The following VWA7 variants were observed in gnomAD, a reference collection of about 807,000 sequenced individuals.
VWA7 encodes the protein von Willebrand factor A domain-containing protein 7.
VWA7 carries 66 observed loss-of-function variants against 83.1 expected under a neutral mutation model. The ratio of observed to expected loss-of-function variants is 0.79; its 90% CI spans 0.65 to 0.98. The LOEUF is 0.98. Ranked by LOEUF, VWA7 falls within the 50% of genes least tolerant of loss-of-function variation. VWA7 has a pLI of 0.00. For missense variants in VWA7, 1,080 were observed against 1,160.2 expected (o/e 0.93, Z 1.00); for synonymous variants, 424 against 488.5 (o/e 0.87, Z 1.74).
At position 31,775,445 on chromosome 6, in the gene VWA7, G is replaced by A; in HGVS notation, c.514-16C>T. ...TGTAGAAATCCTGGTCCGGAGGACA[G>A]GAGAAGGGGAGTGAGGCACTAGTCT... On this transcript the variant is annotated splice_polypyrimidine_tract_variant and intron_variant, in intron 3 of 16. Transcript: ENST00000375688. The surrounding 1 kb of genome is among the most constrained non-coding windows in gnomAD (Gnocchi z 5.9). 1 of 1,607,610 alleles carries A rather than the reference G, an allele frequency of 6.2e-7. No individual in the cohort carries two copies. Among genetic ancestry groups the A allele is most frequent in the Non-Finnish European group, 8.5e-7 (1 of 1,176,892 alleles).
rs1230644079 is a variant in VWA7 at position 31,769,959 on chromosome 6, G to C, written c.1200+42C>G. On this transcript the variant is annotated intron_variant, in intron 8 of 16. Coordinates refer to ENST00000375688, the MANE Select transcript of VWA7 (RefSeq NM_025258.3). This position sits in a 1 kb window ranked among gnomAD's most constrained non-coding sequence, Gnocchi z 4.5. ...CCCCAGGAGGGATCTAGCTCCCCCT[G>C]GTGGTGGGGCCAGGAAACGGGGAAG... The C allele has an allele frequency of 6.3e-7, 1 of 1,593,046 alleles. No homozygotes were observed. Among genetic ancestry groups the C allele is most frequent in the Non-Finnish European group, 8.6e-7 (1 of 1,162,584 alleles).
At chr6:31,772,188 C>T (rs554302771) in intron 7 of VWA7, among the ~76,000 whole-genome samples, 2 of 151,638 alleles carry the variant, frequency 1.3e-5, no homozygotes, top group Admixed American at 6.6e-5. Flanking sequence ...TCACCCAGGC[C>T]GCTCTGGAGT....
chr6:31,769,746 T>C lies in VWA7; in HGVS notation c.1246A>G (p.Thr416Ala), dbSNP rs1310768583. ...AAGGCATCCTTGGGGGAGGCATCCG[T>C]GAAGACAAAGATATCTGAGAGTGGA... ...TPPLSDIFVF[T>A]DASPKDAFLT... is the part of the protein sequence containing the mutation. The change falls in exon 9 of 17, where the codon ACG becomes GCG. Residue 416 changes from threonine to alanine, a missense_variant. Thr to Ala is a moderately conservative substitution (Grantham distance 58). Transcript: ENST00000375688. The surrounding 1 kb of genome is among the most constrained non-coding windows in gnomAD (Gnocchi z 4.5). 2 of 1,612,914 alleles carry C rather than the reference T, an allele frequency of 1.2e-6. No homozygotes were observed. Among genetic ancestry groups the C allele is most frequent in the African/African-American group, 1.3e-5 (1 of 74,894 alleles).
Position 31,776,488 on chromosome 6 carries a change from G to T in VWA7, c.234+58C>A. Reference sequence around the variant, plus strand: ...TGGCAACCAGAGCCCTCAAGGAGTAGAGGCCCCATGGAATTGGGGACTCTG... The same window carrying T: ...TGGCAACCAGAGCCCTCAAGGAGTATAGGCCCCATGGAATTGGGGACTCTG... On this transcript the variant is annotated intron_variant, in intron 2 of 16. Coordinates refer to ENST00000375688, the MANE Select transcript of VWA7 (RefSeq NM_025258.3). This position sits in a 1 kb window ranked among gnomAD's most constrained non-coding sequence, Gnocchi z 6.2. 7.0e-7 allele frequency: 1 copy of T among 1,430,646 alleles called. No individual in the cohort carries two copies. 88.6% of individuals were successfully genotyped at this position (1,430,646 alleles called of 1,614,324 possible). A position where few individuals can be genotyped will look rare whatever the true frequency, so the allele number is the denominator to read the frequency against.
At chr6:31,768,139 C>CAAAAAAAAAAAAAAAAAA (rs9279412) in intron 10 of VWA7, among the ~76,000 whole-genome samples, 2 of 77,094 alleles carry the variant, frequency 2.6e-5, no homozygotes, top group Non-Finnish European at 2.4e-5. Context: ...GACTCTGTCT[C>CAAAAAAAAAAAAAAAAAA]AAAAAAAAAA....
At position 31,767,531 on chromosome 6, in the gene VWA7, G is replaced by T; in HGVS notation, c.1637-17C>A. ...GGGAGACCCCTGGGGTCAGGGAAGA[G>T]ATTGTCACATGAAGCACTTGCTCTC... On this transcript the variant is annotated splice_polypyrimidine_tract_variant and intron_variant, in intron 11 of 16. Coordinates refer to ENST00000375688, the MANE Select transcript of VWA7 (RefSeq NM_025258.3). The T allele has an allele frequency of 6.2e-7, 1 of 1,603,496 alleles. No individual in the cohort carries two copies. Among genetic ancestry groups the T allele is most frequent in the South Asian group, 1.1e-5 (1 of 90,904 alleles).
intron 7 of VWA7, 74 bp from the exon 8 acceptor site, chr6:31,770,187 G>T: frequency 8.2e-7 from 1 of 1,212,360 alleles, no homozygotes; most frequent in East Asian, 2.4e-5. Context: ...CACCTCCCCA[G>T]TTGAGGGGCC....
Position 31,770,081 on chromosome 6 carries a change from C to G in VWA7, c.1120G>C (p.Asp374His), listed in dbSNP as rs1456911146. ...TCATTAAGCTGTTGCCAGAAGCTGT[C>G]AGGGTCACTGGTTGTAAAGACAGGG... ...FGPVFTTSDP[D>H]SFWQQLNEIH... Residue 374 changes from aspartate to histidine, a missense_variant, in exon 8 of 17, where the codon GAC becomes CAC. Asp to His is a moderately conservative substitution (Grantham distance 81, BLOSUM62 -1). Transcript: ENST00000375688. 1 of 1,612,900 alleles carries G rather than the reference C, an allele frequency of 6.2e-7. No homozygotes were observed. Among genetic ancestry groups the G allele is most frequent in the Non-Finnish European group, 8.5e-7 (1 of 1,180,008 alleles).
Position 31,769,224 on chromosome 6 carries a change from A to C in VWA7, c.1318-21T>G. 1.2e-6 allele frequency: 2 copies of C among 1,604,128 alleles called. No homozygotes were observed. Among genetic ancestry groups the C allele is most frequent in the Non-Finnish European group, 1.7e-6 (2 of 1,174,778 alleles). ...GTTACCTGTACCCAGAAGAGAGCTC[A>C]GTGATTGGGGTGTCCAAGTGCCATC... On this transcript the variant is annotated intron_variant, in intron 9 of 16. Transcript: ENST00000375688. This position sits in a 1 kb window ranked among gnomAD's most constrained non-coding sequence, Gnocchi z 4.5.
In VWA7 at chr6:31,776,435, G is replaced by C. The variant is rs542582286; in HGVS notation, c.234+111C>G. 3.2e-6 allele frequency: 4 copies of C among 1,231,900 alleles called. No homozygotes were observed. In the African/African-American group the frequency reaches 4.6e-5, roughly 14 times the overall value. 76.3% of individuals were successfully genotyped at this position (1,231,900 alleles called of 1,614,324 possible). Reference sequence around the variant, plus strand: ...AAGACTACTGGGTATTATTGCTGCAGGGGTGGGGCCATGGGTGTCTCTTCT... The same window carrying C: ...AAGACTACTGGGTATTATTGCTGCACGGGTGGGGCCATGGGTGTCTCTTCT... On this transcript the variant is annotated intron_variant, in intron 2 of 16. Coordinates refer to ENST00000375688, the MANE Select transcript of VWA7 (RefSeq NM_025258.3). This position sits in a 1 kb window ranked among gnomAD's most constrained non-coding sequence, Gnocchi z 6.2.
Position 31,765,692 on chromosome 6 carries a change from C to T in VWA7, c.2578G>A (p.Val860Met), listed in dbSNP as rs1811453183. The change falls in exon 17 of 17, where the codon GTG becomes ATG. Residue 860 changes from valine to methionine, a missense_variant. Coordinates refer to ENST00000375688, the MANE Select transcript of VWA7 (RefSeq NM_025258.3). ...ATPAFSPFTLVTQGRAGAGLA... is the reference protein window; with the variant it reads ...ATPAFSPFTLMTQGRAGAGLA... ...CCTGCCCCAGCCCTGCCTTGAGTCA[C>T]CAATGTGAAGGGGGAAAAGGCAGGG... The T allele has an allele frequency of 8.1e-6, 13 of 1,600,316 alleles. No individual in the cohort carries two copies. The highest frequency in any genetic ancestry group is 3.5e-5 in the Admixed American group (2 of 57,762).
rs771334614 is a variant in VWA7 at position 31,769,137 on chromosome 6, G to A, written c.1384C>T (p.Pro462Ser). The A allele has an allele frequency of 6.2e-7, 1 of 1,613,072 alleles. No individual in the cohort carries two copies. Among genetic ancestry groups the A allele is most frequent in the Non-Finnish European group, 8.5e-7 (1 of 1,180,034 alleles). Residue 462 changes from proline (P) to serine (S), a missense_variant, in exon 10 of 17, where the codon CCT becomes TCT. Transcript: ENST00000375688. This position sits in a 1 kb window ranked among gnomAD's most constrained non-coding sequence, Gnocchi z 4.5. ...GCTTTGTATGGCTCAAAACGCAGAGGGGACAAGATCTCACGCCGAGCTCGA... is the reference window on the plus strand; with the variant it reads ...GCTTTGTATGGCTCAAAACGCAGAGAGGACAAGATCTCACGCCGAGCTCGA... ...QGRARREILS[P>S]LRFEPYKAVA...
rs1001452570 is a variant in VWA7 at position 31,775,863 on chromosome 6, G to C, written c.513+101C>G. On this transcript the variant is annotated intron_variant, in intron 3 of 16. Coordinates refer to ENST00000375688, the MANE Select transcript of VWA7 (RefSeq NM_025258.3). The surrounding 1 kb of genome is among the most constrained non-coding windows in gnomAD (Gnocchi z 5.9). ...CGTGCCAGTGCCCACCCCTTCCAGA[G>C]TGGAGGAGACATGATCAAGAAGGCA... 1.3e-6 allele frequency: 2 copies of C among 1,498,454 alleles called. No individual in the cohort carries two copies. Among genetic ancestry groups the C allele is most frequent in the African/African-American group, 1.4e-5 (1 of 71,604 alleles). 92.8% of individuals were successfully genotyped at this position (1,498,454 alleles called of 1,614,324 possible).
At chr6:31,768,499 G>A (rs1339274161) in intron 10 of VWA7, among the ~76,000 whole-genome samples, 1 of 151,904 alleles carries the variant, frequency 6.6e-6, no homozygotes, top group Non-Finnish European at 1.5e-5. Flanking sequence ...GGTAACCCTG[G>A]AGGCAGAATA....
chr6:31,773,070 C>A lies in VWA7; in HGVS notation c.971G>T (p.Gly324Val), dbSNP rs755473165. 2.5e-6 allele frequency: 4 copies of A among 1,612,314 alleles called. No individual in the cohort carries two copies. In the South Asian group the frequency reaches 4.4e-5, roughly 18 times the overall value. Residue 324 changes from glycine (G) to valine (V), a missense_variant, in exon 7 of 17, where the codon GGC (glycine) becomes GTC (valine). Physicochemically the swap from Gly to Val is moderately radical, Grantham distance 109. Transcript: ENST00000375688. The surrounding 1 kb of genome is among the most constrained non-coding windows in gnomAD (Gnocchi z 5.3). ...SSLSFVLDTT[G>V]SMGEEINAAK... ...AGCGTTGATCTCCTCACCCATGCTGCCCGTGGTGTCCAGGACAAAGCTCAG... is the reference window on the plus strand; with the variant it reads ...AGCGTTGATCTCCTCACCCATGCTGACCGTGGTGTCCAGGACAAAGCTCAG...
In VWA7 at chr6:31,775,535, C is replaced by A; in HGVS notation, c.514-106G>T. Reference sequence around the variant, plus strand: ...TTGAGTTCCCCATCCCGAAAGTCCCCTCCCACCCCTACTGCTCCCACCAGA... The same window carrying A: ...TTGAGTTCCCCATCCCGAAAGTCCCATCCCACCCCTACTGCTCCCACCAGA... On this transcript the variant is annotated intron_variant, in intron 3 of 16. Coordinates refer to ENST00000375688, the MANE Select transcript of VWA7 (RefSeq NM_025258.3). The surrounding 1 kb of genome is among the most constrained non-coding windows in gnomAD (Gnocchi z 5.9). 1 of 976,476 alleles carries A rather than the reference C, an allele frequency of 1.0e-6. No homozygotes were observed. The highest frequency in any genetic ancestry group is 1.5e-6 in the Non-Finnish European group (1 of 657,148). 60.5% of individuals were successfully genotyped at this position (976,476 alleles called of 1,614,324 possible). A position where few individuals can be genotyped will look rare whatever the true frequency, so the allele number is the denominator to read the frequency against.
Position 31,774,959 on chromosome 6 carries a change from AG to A in VWA7, c.611-334del, listed in dbSNP as rs1228307972. ...AAAATAAATACATAAATAAATAATA[AG>A]AAAAAAACAAACACAGTACGTGTAG... On this transcript the variant is annotated intron_variant, in intron 4 of 16. Coordinates refer to ENST00000375688, the MANE Select transcript of VWA7 (RefSeq NM_025258.3). 1.2e-4 allele frequency among the ~76,000 whole-genome samples: 19 copies of A among 152,254 alleles called. No individual in the cohort carries two copies. The East Asian group carries it at 3.3e-3, about 26-fold the overall frequency.
intron 7 of VWA7, among the ~76,000 whole-genome samples, chr6:31,772,073 G>A (rs1259066120): frequency 3.4e-5 from 5 of 148,572 alleles, no homozygotes; most frequent in African/African-American, 1.2e-4. Flanking sequence ...GCCAAAGCAT[G>A]AATCATGCAT....
At chr6:31,772,918 T>C (rs756125391) in intron 7 of VWA7, 36 bp downstream of exon 7, 14 of 1,587,536 alleles carry the variant, frequency 8.8e-6, no homozygotes, top group Non-Finnish European at 1.1e-5. Context: ...CCTTGAATTT[T>C]CCTCCCCTCT....
Sources: gnomAD v4.1 joint callset for allele counts (sites outside exome capture counted in the v4.1 genomes callset) on GRCh38, gnomAD v4.1.1 for gene constraint, Gnocchi (gnomAD v3.1) non-coding constraint, MANE v1.5 for transcripts, NCBI Gene and HGNC (gene_info 2026-07-23, HGNC 2026-07-21) for gene names.